The following ADGB variants were observed in gnomAD, a reference collection of about 807,000 sequenced individuals.
ADGB encodes the protein androglobin, also known as calpain-7-like protein.
ADGB carries 172 observed loss-of-function variants against 210.5 expected under a neutral mutation model. That is an observed-to-expected ratio of 0.82 (90% CI 0.72 to 0.93). ADGB has a LOEUF of 0.93. ADGB is among the 40% of genes least tolerant of loss of function. ADGB has a pLI of 0.00. For synonymous variants in ADGB, 658 were observed against 662.7 expected (o/e 0.99, Z 0.11); for missense variants, 2,025 against 1,964.8 (o/e 1.03, Z -0.58).
At chr6:146,788,357 G>A (rs1395796377) in intron 32 of ADGB, 32 bp from the exon 33 acceptor site, 3 of 1,540,276 alleles carry the variant, frequency 1.9e-6, no homozygotes, top group African/African-American at 1.4e-5. Context: ...TGGAACGCCA[G>A]CTTTTTCAGT....
At chr6:146,642,393 C>T (rs1319077233) in intron 2 of ADGB, among the ~76,000 whole-genome samples, 1 of 151,874 alleles carries the variant, frequency 6.6e-6, no homozygotes, top group East Asian at 1.9e-4. Context: ...GCTATATACC[C>T]AGAGCAACAT....
chr6:146,767,319 G>GA (rs1468017023), intron 28 of ADGB, among the ~76,000 whole-genome samples: 5 of 152,016 alleles, frequency 3.3e-5, no homozygotes, highest in African/African-American at 4.8e-5. Context: ...ATATGCCCAA[G>GA]AAAAAACAAC....
chr6:146,810,761 A>T (rs1432615287), intron 35 of ADGB, among the ~76,000 whole-genome samples: 1 of 152,142 alleles, frequency 6.6e-6, no homozygotes, highest in Non-Finnish European at 1.5e-5. Context: ...GAACTCATAG[A>T]AGCAAAGTGT....
chr6:146,614,219 C>T (rs62436218), intron 1 of ADGB, among the ~76,000 whole-genome samples: 6,563 of 48,154 alleles, frequency 0.14, 525 homozygotes, highest in African/African-American at 0.35. Context: ...CTTCCTTCCT[C>T]CCTTCCTTCC....
chr6:146,718,250 G>A (rs1386458519), intron 16 of ADGB, among the ~76,000 whole-genome samples: 2 of 151,466 alleles, frequency 1.3e-5, no homozygotes, highest in Admixed American at 6.6e-5. Flanking sequence ...AGGAGGCTGA[G>A]GCAGGAGAAT....
At chr6:146,721,380 A>T in intron 16 of ADGB, 23 bp from the exon 17 acceptor site, 1 of 1,388,868 alleles carries the variant, frequency 7.2e-7, no homozygotes. Context: ...ATTAAGTATG[A>T]CAACTGGTCT....
chr6:146,747,209 A>G (rs1172996869), intron 26 of ADGB, among the ~76,000 whole-genome samples: 14 of 152,198 alleles, frequency 9.2e-5, no homozygotes, highest in Admixed American at 9.2e-4. Flanking sequence ...GAGTTGTTGG[A>G]ATACTTATCT....
At chr6:146,721,847 T>A (rs1364829841) in intron 17 of ADGB, among the ~76,000 whole-genome samples, 4 of 151,872 alleles carry the variant, frequency 2.6e-5, no homozygotes, top group Non-Finnish European at 5.9e-5. Flanking sequence ...TCAAAAAAAA[T>A]AAAAAAATTT....
intron 1 of ADGB, among the ~76,000 whole-genome samples, chr6:146,619,362 C>A (rs1780857034): frequency 6.6e-6 from 1 of 152,120 alleles, no homozygotes; most frequent in South Asian, 2.1e-4. Context: ...AATCAATTTA[C>A]ATTCAAGGTT....
intron 5 of ADGB, among the ~76,000 whole-genome samples, chr6:146,663,283 G>C (rs1315484867): frequency 6.7e-6 from 1 of 149,090 alleles, no homozygotes; most frequent in Non-Finnish European, 1.5e-5. Flanking sequence ...GAATACTATA[G>C]ACTGGTGACT....
intron 1 of ADGB, among the ~76,000 whole-genome samples, chr6:146,631,719 C>T (rs928749160): frequency 1.3e-5 from 2 of 152,002 alleles, no homozygotes; most frequent in Non-Finnish European, 2.9e-5. Context: ...CCTGTGGAGG[C>T]ACACAGTCAG....
At chr6:146,734,194 G>A (rs1442724029) in intron 22 of ADGB, among the ~76,000 whole-genome samples, 164 bp downstream of exon 22, 2 of 152,342 alleles carry the variant, frequency 1.3e-5, no homozygotes, top group East Asian at 3.9e-4. Flanking sequence ...AATGCACCAA[G>A]TGTCTTGTTC....
chr6:146,638,609 T>A (rs1159099626), intron 2 of ADGB, among the ~76,000 whole-genome samples: 3 of 24,152 alleles, frequency 1.2e-4, no homozygotes, highest in Admixed American at 4.7e-4. Flanking sequence ...TGTTGTGGGG[T>A]GGGGGGGGGG....
intron 18 of ADGB, chr6:146,725,358 A>G (rs926315248): frequency 6.6e-6 from 1 of 152,334 alleles, no homozygotes; most frequent in Non-Finnish European, 1.5e-5. Flanking sequence ...TGGGCCATGC[A>G]GCAGGAGGTT....
intron 35 of ADGB, 84 bp from the exon 36 acceptor site, chr6:146,814,948 G>C (rs534207700): frequency 5.5e-5 from 75 of 1,353,918 alleles, no homozygotes; most frequent in African/African-American, 4.5e-4. Flanking sequence ...TAAGGACAGG[G>C]TAAAGGAATT....
At chr6:146,803,917 T>G (rs759045190) in intron 35 of ADGB, 11 of 274,472 alleles carry the variant, frequency 4.0e-5, no homozygotes, top group Non-Finnish European at 7.4e-5. Flanking sequence ...GCCTACAGAA[T>G]CCCCAAAAAG....
intron 35 of ADGB, chr6:146,803,765 G>A (rs1778167899): frequency 3.0e-6 from 2 of 671,824 alleles, no homozygotes; most frequent in South Asian, 2.0e-5. Context: ...CAGCCTCCGC[G>A]CTGACAATCA....
chr6:146,686,523 A>G (rs1041303586), intron 10 of ADGB, among the ~76,000 whole-genome samples: 3 of 152,106 alleles, frequency 2.0e-5, no homozygotes, highest in Admixed American at 6.6e-5. Flanking sequence ...TTCACTTCAC[A>G]AGATATTGTT....
intron 25 of ADGB, among the ~76,000 whole-genome samples, chr6:146,744,526 A>G (rs1777201247): frequency 6.6e-6 from 1 of 152,226 alleles, no homozygotes; most frequent in Non-Finnish European, 1.5e-5. Flanking sequence ...TGAGGTTCAC[A>G]TGAGACATGC....
Sources: gnomAD v4.1 joint callset for allele counts (sites outside exome capture counted in the v4.1 genomes callset) on GRCh38, gnomAD v4.1.1 for gene constraint, MANE v1.5 for transcripts, NCBI Gene and HGNC (gene_info 2026-07-23, HGNC 2026-07-21) for gene names.